The following CPVL variants were observed in gnomAD, a reference collection of about 807,000 sequenced individuals.
CPVL encodes probable serine carboxypeptidase CPVL.
In CPVL, 51 loss-of-function variants were observed where a neutral mutation model predicts 63.7. The ratio of observed to expected loss-of-function variants is 0.80; its 90% CI spans 0.64 to 1.01. The LOEUF (loss-of-function observed/expected upper bound fraction) is 1.01, where lower values mean the gene tolerates loss of function less well. Among genes scored for constraint, CPVL ranks in the 50% least tolerant of loss-of-function variants. The pLI, the probability that CPVL is intolerant of heterozygous loss-of-function variation, is 0.00. For synonymous variants in CPVL, 195 were observed against 206.0 expected (o/e 0.95, Z 0.46); for missense variants, 530 against 573.1 (o/e 0.92, Z 0.77).
chr7:29,187,878 A>G (rs1168132878), intron 1 of CPVL, among the ~76,000 whole-genome samples: 1 of 152,246 alleles, frequency 6.6e-6, no homozygotes, highest in African/African-American at 2.4e-5. Flanking sequence ...ATTCATTTAC[A>G]TAAATATGAG....
chr7:29,161,317 C>T (rs1157633435), intron 5 of CPVL, among the ~76,000 whole-genome samples: 1 of 152,188 alleles, frequency 6.6e-6, no homozygotes, highest in Admixed American at 6.5e-5. Context: ...TCCTAAAACA[C>T]TCCCTATAGC....
chr7:29,179,482 G>A (rs537976216), intron 5 of CPVL, among the ~76,000 whole-genome samples: 1 of 152,316 alleles, frequency 6.6e-6, no homozygotes, highest in South Asian at 2.1e-4. Context: ...AGAAAATCCA[G>A]GAACCCAGAC....
intron 1 of CPVL, chr7:29,122,331 C>T (rs759204424): frequency 5.3e-5 from 8 of 152,192 alleles, no homozygotes; most frequent in Non-Finnish European, 1.0e-4. Context: ...TGGAAAATTA[C>T]TCAAAGGAAG....
At chr7:29,136,420 G>C (rs1252468075) in intron 1 of CPVL, among the ~76,000 whole-genome samples, 1 of 152,220 alleles carries the variant, frequency 6.6e-6, no homozygotes, top group Non-Finnish European at 1.5e-5. Flanking sequence ...TTTGGCAAAA[G>C]AGAAAATTAT....
At chr7:29,077,786 C>T (rs928495243) in intron 7 of CPVL, among the ~76,000 whole-genome samples, 1 of 152,140 alleles carries the variant, frequency 6.6e-6, no homozygotes, top group African/African-American at 2.4e-5. Flanking sequence ...AAGACAGCTT[C>T]AATGCCTCAC....
chr7:29,087,668 T>C (rs1487260571), intron 6 of CPVL, among the ~76,000 whole-genome samples: 2 of 152,174 alleles, frequency 1.3e-5, no homozygotes, highest in Admixed American at 1.3e-4. Flanking sequence ...AGTTTCCTGC[T>C]GAGAGACTAA....
intron 5 of CPVL, among the ~76,000 whole-genome samples, chr7:29,163,845 T>C (rs1795529896): frequency 6.6e-6 from 1 of 152,258 alleles, no homozygotes; most frequent in Non-Finnish European, 1.5e-5. Flanking sequence ...ATGTTATGCA[T>C]ATCAATAGTT....
chr7:29,175,368 G>T (rs1375999722), intron 5 of CPVL, among the ~76,000 whole-genome samples: 1 of 151,920 alleles, frequency 6.6e-6, no homozygotes. Flanking sequence ...TAGAGAGGGG[G>T]TTTCACCATA....
intron 5 of CPVL, among the ~76,000 whole-genome samples, chr7:29,155,119 G>C (rs1396361481): frequency 1.3e-5 from 2 of 152,058 alleles, no homozygotes; most frequent in Non-Finnish European, 2.9e-5. Flanking sequence ...CCTCCCACCA[G>C]GTCCCTCCCA....
chr7:29,108,531 G>T (rs941329550), intron 3 of CPVL, among the ~76,000 whole-genome samples: 3 of 151,956 alleles, frequency 2.0e-5, no homozygotes, highest in African/African-American at 7.3e-5. Context: ...CCCTCTATTT[G>T]CTGTCATCTG....
chr7:29,091,678 CAAACAA>C (rs1273725532), intron 6 of CPVL, among the ~76,000 whole-genome samples: 2 of 141,748 alleles, frequency 1.4e-5, no homozygotes, highest in African/African-American at 3.2e-5. Flanking sequence ...ATGTGAAAAA[CAAACAA>C]AAGTGGAGAA....
At chr7:29,156,235 C>T (rs185080333) in intron 5 of CPVL, among the ~76,000 whole-genome samples, 1 of 152,192 alleles carries the variant, frequency 6.6e-6, no homozygotes, top group Non-Finnish European at 1.5e-5. Context: ...TGTGGCCTGT[C>T]GCCTTCCTTG....
intron 4 of CPVL, among the ~76,000 whole-genome samples, chr7:29,184,193 A>G (rs1798423529): frequency 6.9e-6 from 1 of 145,872 alleles, no homozygotes; most frequent in Non-Finnish European, 1.5e-5. Flanking sequence ...AGATAGATAG[A>G]TAGATAAAAG....
At chr7:29,143,735 C>T (rs1486944741) in intron 1 of CPVL, among the ~76,000 whole-genome samples, 1 of 152,178 alleles carries the variant, frequency 6.6e-6, no homozygotes, top group Non-Finnish European at 1.5e-5. Flanking sequence ...TAAGTTCCAA[C>T]TATATTGGAA....
At chr7:29,124,745 G>T (rs1201839424) in intron 1 of CPVL, among the ~76,000 whole-genome samples, 2 of 151,890 alleles carry the variant, frequency 1.3e-5, no homozygotes, top group Admixed American at 6.6e-5. Flanking sequence ...AGAAAAGCAG[G>T]ATATTAGATT....
intron 7 of CPVL, among the ~76,000 whole-genome samples, chr7:29,078,417 G>A (rs1054596480): frequency 3.3e-5 from 5 of 152,198 alleles, no homozygotes; most frequent in East Asian, 1.9e-4. Context: ...GAAATCCAGC[G>A]TGAAGCCAGG....
chr7:29,138,319 A>C (rs1791459069), intron 1 of CPVL, among the ~76,000 whole-genome samples: 1 of 152,214 alleles, frequency 6.6e-6, no homozygotes, highest in Non-Finnish European at 1.5e-5. Flanking sequence ...ATGTGCCTGT[A>C]ATCCCAGCTA....
intron 10 of CPVL, among the ~76,000 whole-genome samples, chr7:29,065,537 G>C (rs926030143): frequency 6.6e-6 from 1 of 152,192 alleles, no homozygotes; most frequent in Non-Finnish European, 1.5e-5. Context: ...AAATATTCCA[G>C]AAGGCTTGAA....
intron 11 of CPVL, among the ~76,000 whole-genome samples, chr7:29,059,860 C>T (rs1004447594): frequency 1.4e-4 from 21 of 152,118 alleles, no homozygotes; most frequent in African/African-American, 5.1e-4. Context: ...TACAGGTTTG[C>T]TCCTGTTAAG....
Sources: gnomAD v4.1 joint callset for allele counts (sites outside exome capture counted in the v4.1 genomes callset) on GRCh38, gnomAD v4.1.1 for gene constraint, MANE v1.5 for transcripts, NCBI Gene and HGNC (gene_info 2026-07-23, HGNC 2026-07-21) for gene names.